The following TMTC3 variants were observed in gnomAD, a reference collection of about 807,000 sequenced individuals.
TMTC3 encodes transmembrane O-mannosyltransferase targeting cadherins 3, also known as protein O-mannosyl-transferase TMTC3.
A neutral mutation model predicts 92.2 loss-of-function variants in TMTC3; 52 were observed. That is an observed-to-expected ratio of 0.56 (90% CI 0.45 to 0.71). The LOEUF (loss-of-function observed/expected upper bound fraction) is 0.71. TMTC3 is among the 30% of genes least tolerant of loss of function. The probability of loss-of-function intolerance (pLI) is 0.00; values close to 1 mark genes in which losing one functional copy is unlikely to be tolerated. For missense variants in TMTC3, 896 were observed against 1,057.1 expected, an observed-to-expected ratio of 0.85 and a Z score of 2.11; for synonymous variants, 339 against 363.3, an observed-to-expected ratio of 0.93 and a Z score of 0.76.
intron 1 of TMTC3, among the ~76,000 whole-genome samples, chr12:88,142,689 T>G (rs1286052427): frequency 4.6e-5 from 7 of 152,206 alleles, no homozygotes; most frequent in African/African-American, 1.7e-4. Flanking sequence ...TTTAGCCTTG[T>G]TTAGTATCAG....
At chr12:88,162,670 C>G (rs2041093449) in intron 6 of TMTC3, among the ~76,000 whole-genome samples, 1 of 152,054 alleles carries the variant, frequency 6.6e-6, no homozygotes, top group Non-Finnish European at 1.5e-5. Flanking sequence ...TCTACATGTT[C>G]TATTGCTTTA....
Position 88,197,920 on chromosome 12 carries a change from A to G in TMTC3, c.*2271A>G, listed in dbSNP as rs1426144999. On this transcript the variant is annotated 3_prime_UTR_variant, in exon 14 of 14. Transcript: ENST00000266712. ...TGTTTTTCCAAAAGCTCTTTGAGTG[A>G]TTCTAATTTGTAGTCAGAGTTGAAG... is the stretch of plus-strand genomic sequence containing the variant. The G allele has an allele frequency of 6.4e-6, 1 of 155,992 alleles. No homozygotes were observed. Among genetic ancestry groups the G allele is most frequent in the African/African-American group, 2.4e-5 (1 of 41,628 alleles). The allele number at this position is 155,992 out of a possible 1,614,324, so 9.7% of individuals were successfully genotyped here.
At chr12:88,158,945 G>A (rs1463035622) in intron 4 of TMTC3, among the ~76,000 whole-genome samples, 2 of 151,576 alleles carry the variant, frequency 1.3e-5, no homozygotes, top group Admixed American at 6.6e-5. Flanking sequence ...CCAGCTACTC[G>A]GGAGGCTGAG....
intron 1 of TMTC3, among the ~76,000 whole-genome samples, chr12:88,143,475 A>G (rs1042271575): frequency 2.6e-5 from 4 of 152,202 alleles, no homozygotes; most frequent in African/African-American, 9.6e-5. Flanking sequence ...TAAGAAACTG[A>G]GGCTTGGAGA....
At chr12:88,166,250 T>C (rs1342480216) in intron 6 of TMTC3, 80 bp from the exon 7 acceptor site, 6 of 1,317,486 alleles carry the variant, frequency 4.6e-6, no homozygotes, top group Non-Finnish European at 5.2e-6. Context: ...AAAATGTTTA[T>C]TGTTTAGTGT....
In TMTC3 at chr12:88,198,441, T is replaced by G. The variant is rs781026482; in HGVS notation, c.*2792T>G. 1 of 398,118 alleles carries G rather than the reference T, an allele frequency of 2.5e-6. No individual in the cohort carries two copies. Among genetic ancestry groups the G allele is most frequent in the Non-Finnish European group, 4.4e-6 (1 of 225,650 alleles). 24.7% of individuals were successfully genotyped at this position (398,118 alleles called of 1,614,324 possible). A position where few individuals can be genotyped will look rare whatever the true frequency, so the allele number is the denominator to read the frequency against. The stretch of plus-strand genomic sequence containing the variant: ...ACAATCCCCAAGGGGCAGTGTTACC[T>G]TACTCCTTCACTGCTTCTTAGAAGG... On this transcript the variant is annotated 3_prime_UTR_variant, in exon 14 of 14. Coordinates refer to ENST00000266712, the MANE Select transcript of TMTC3 (RefSeq NM_181783.4).
intron 4 of TMTC3, among the ~76,000 whole-genome samples, chr12:88,155,661 T>C (rs531296852): frequency 5.5e-4 from 84 of 152,358 alleles, no homozygotes; most frequent in African/African-American, 2.0e-3. Flanking sequence ...TTATCAGGCC[T>C]CAGCTTAAGT....
intron 11 of TMTC3, among the ~76,000 whole-genome samples, chr12:88,189,195 G>C (rs182545358): frequency 1.3e-5 from 2 of 151,372 alleles, no homozygotes; most frequent in South Asian, 2.1e-4. Flanking sequence ...CCAGGTTTAA[G>C]TGATTCTTCT....
At chr12:88,173,222 C>T in intron 8 of TMTC3, 1 of 504,744 alleles carries the variant, frequency 2.0e-6, no homozygotes. Context: ...ACAGCATAGT[C>T]ACACTGTATA....
At position 88,148,374 on chromosome 12, in the gene TMTC3, A is replaced by C; in HGVS notation, c.59A>C (p.Tyr20Ser). ...ATAGTAGGTGTGGTTACTGCCTGCT[A>C]TTGGAACAGCCTCTTTTGTGGTTTT... ...TLIVGVVTAC[Y>S]WNSLFCGFVF... Residue 20 changes from tyrosine (Y) to serine (S), a missense_variant, in exon 2 of 14, where the codon TAT (tyrosine) becomes TCT (serine). Coordinates refer to ENST00000266712, the MANE Select transcript of TMTC3 (RefSeq NM_181783.4). 1 of 1,613,642 alleles carries C rather than the reference A, an allele frequency of 6.2e-7. No homozygotes were observed.
chr12:88,198,719 T>TAAAG lies in TMTC3; in HGVS notation c.*3072_*3075dup, dbSNP rs1370709005. Reference sequence around the variant, plus strand: ...CTCAACTTCATGTTACAGAATGCTTTAAAGATGCTTTAATGAAAAGTATTA... The same window carrying TAAAG: ...CTCAACTTCATGTTACAGAATGCTTTAAAGAAAGATGCTTTAATGAAAAGTATTA... On this transcript the variant is annotated 3_prime_UTR_variant, in exon 14 of 14. Coordinates refer to ENST00000266712, the MANE Select transcript of TMTC3 (RefSeq NM_181783.4). 1 of 272,870 alleles carries TAAAG rather than the reference T, an allele frequency of 3.7e-6. No individual in the cohort carries two copies. Among genetic ancestry groups the TAAAG allele is most frequent in the Non-Finnish European group, 6.8e-6 (1 of 147,698 alleles). 16.9% of individuals were successfully genotyped at this position (272,870 alleles called of 1,614,324 possible).
At chr12:88,184,029 C>A (rs1252783774) in intron 10 of TMTC3, among the ~76,000 whole-genome samples, 1 of 152,044 alleles carries the variant, frequency 6.6e-6, no homozygotes, top group Admixed American at 6.6e-5. Context: ...TCACACGGGG[C>A]ACCACCTGCC....
At chr12:88,187,452 G>A (rs2041390795) in intron 10 of TMTC3, among the ~76,000 whole-genome samples, 1 of 152,050 alleles carries the variant, frequency 6.6e-6, no homozygotes, top group South Asian at 2.1e-4. Context: ...TGAAGTATCT[G>A]ACTTTTTTTT....
At chr12:88,146,342 C>T (rs558904764) in intron 1 of TMTC3, among the ~76,000 whole-genome samples, 1 of 152,158 alleles carries the variant, frequency 6.6e-6, no homozygotes, top group African/African-American at 2.4e-5. Flanking sequence ...TTTTAAAATA[C>T]GCACTAAATA....
At chr12:88,193,897 C>CTT (rs201715354) in intron 13 of TMTC3, among the ~76,000 whole-genome samples, 1 of 150,356 alleles carries the variant, frequency 6.7e-6, no homozygotes, top group African/African-American at 2.4e-5. Context: ...GTTTTTTTGG[C>CTT]TTTTTTTTTG....
Position 88,192,721 on chromosome 12 carries a change from T to G in TMTC3, c.1824T>G (p.Ile608Met). 1 of 1,613,582 alleles carries G rather than the reference T, an allele frequency of 6.2e-7. No homozygotes were observed. Among genetic ancestry groups the G allele is most frequent in the Non-Finnish European group, 8.5e-7 (1 of 1,179,700 alleles). ...DLWYNLAIVH[I>M]ELKEPNEALK... ...GGTACAACTTGGCAATTGTACATAT[T>G]GAACTTAAAGAACCAAATGAAGCCC... Residue 608 changes from isoleucine to methionine, a missense_variant, in exon 13 of 14, where the codon ATT becomes ATG. Coordinates refer to ENST00000266712, the MANE Select transcript of TMTC3 (RefSeq NM_181783.4).
chr12:88,174,597 T>C lies in TMTC3; in HGVS notation c.1200-10T>C. The C allele has an allele frequency of 6.3e-7, 1 of 1,599,274 alleles. No homozygotes were observed. Among genetic ancestry groups the C allele is most frequent in the Non-Finnish European group, 8.5e-7 (1 of 1,175,642 alleles). Reference sequence around the variant, plus strand: ...AATTTTTTTTGTTTTGCTTTTTTTCTCTTAAACAGTGTATTTAAAAAGCTA... The same window carrying C: ...AATTTTTTTTGTTTTGCTTTTTTTCCCTTAAACAGTGTATTTAAAAAGCTA... On this transcript the variant is annotated splice_polypyrimidine_tract_variant and intron_variant, in intron 8 of 13. Transcript: ENST00000266712.
Position 88,198,875 on chromosome 12 carries a change from C to A in TMTC3, c.*3226C>A, listed in dbSNP as rs1005136717. ...AATGAATGCCCAAAAATATCTTGTACCTTTGTCCAAAAGTTTATCTGTTGG... is the reference window on the plus strand; with the variant it reads ...AATGAATGCCCAAAAATATCTTGTAACTTTGTCCAAAAGTTTATCTGTTGG... On this transcript the variant is annotated 3_prime_UTR_variant, in exon 14 of 14. Transcript: ENST00000266712. The A allele has an allele frequency of 1.3e-5, 2 of 152,432 alleles. No individual in the cohort carries two copies. Among genetic ancestry groups the A allele is most frequent in the African/African-American group, 4.8e-5 (2 of 41,502 alleles). 9.4% of individuals were successfully genotyped at this position (152,432 alleles called of 1,614,324 possible). A position where few individuals can be genotyped will look rare whatever the true frequency, so the allele number is the denominator to read the frequency against.
chr12:88,163,745 C>T (rs181041894), intron 6 of TMTC3, among the ~76,000 whole-genome samples: 31 of 152,240 alleles, frequency 2.0e-4, no homozygotes, highest in Non-Finnish European at 2.2e-4. Flanking sequence ...TAGGGCCCAC[C>T]CTAACCCAGT....
Sources: allele counts gnomAD v4.1 joint callset (sites outside exome capture counted in the v4.1 genomes callset), GRCh38; gene constraint gnomAD v4.1.1; transcripts MANE v1.5; gene names NCBI Gene and HGNC (gene_info 2026-07-23, HGNC 2026-07-21).